The following MAST4 variants were observed in gnomAD, a reference collection of about 807,000 sequenced individuals.
MAST4 encodes microtubule associated serine/threonine kinase family member 4.
MAST4 carries 89 observed loss-of-function variants against 162.7 expected under a neutral mutation model. That is an observed-to-expected ratio of 0.55 (90% CI 0.46 to 0.65). The LOEUF (loss-of-function observed/expected upper bound fraction) is 0.65, where lower values mean the gene tolerates loss of function less well. MAST4 is among the 30% of genes least tolerant of loss of function. The pLI, the probability that MAST4 is intolerant of heterozygous loss-of-function variation, is 0.00. For missense variants in MAST4, 3,153 were observed against 3,374.0 expected, an observed-to-expected ratio of 0.93 and a Z score of 1.62; for synonymous variants, 1,479 against 1,361.1, an observed-to-expected ratio of 1.09 and a Z score of -1.91.
chr5:67,072,199 GA>G (rs1393977553), intron 5 of MAST4, among the ~76,000 whole-genome samples: 1 of 152,198 alleles, frequency 6.6e-6, no homozygotes, highest in African/African-American at 2.4e-5. Context: ...ATATAAATGT[GA>G]AAAGTTGGTA....
At chr5:66,808,368 C>G (rs1756309605) in intron 3 of MAST4, among the ~76,000 whole-genome samples, 1 of 152,162 alleles carries the variant, frequency 6.6e-6, no homozygotes, top group Non-Finnish European at 1.5e-5. Context: ...AAGCTCTGTT[C>G]TGGTTTTCTA....
chr5:67,155,844 G>A (rs753236553), intron 26 of MAST4, among the ~76,000 whole-genome samples: 1 of 152,064 alleles, frequency 6.6e-6, no homozygotes, highest in Non-Finnish European at 1.5e-5. Flanking sequence ...GGGCGATCAC[G>A]AGGTCAGGAG....
intron 4 of MAST4, among the ~76,000 whole-genome samples, chr5:67,042,647 T>G (rs1756908262): frequency 6.6e-6 from 1 of 152,158 alleles, no homozygotes. Context: ...AACACGCAAC[T>G]AATTTTAATA....
chr5:67,149,969 G>C (rs1337854836), intron 24 of MAST4, among the ~76,000 whole-genome samples: 2 of 151,966 alleles, frequency 1.3e-5, no homozygotes, highest in Non-Finnish European at 2.9e-5. Context: ...TTATAGAGCT[G>C]TTTACAACAT....
chr5:66,824,239 C>G (rs1757132669), intron 3 of MAST4, among the ~76,000 whole-genome samples: 1 of 152,170 alleles, frequency 6.6e-6, no homozygotes, highest in South Asian at 2.1e-4. Flanking sequence ...AGATCCCACC[C>G]CAGATTGTAC....
chr5:66,657,888 A>C (rs1298721248), intron 1 of MAST4, among the ~76,000 whole-genome samples: 1 of 152,244 alleles, frequency 6.6e-6, no homozygotes, highest in African/African-American at 2.4e-5. Flanking sequence ...GCAGAAAATA[A>C]ATGAGGAAAG....
chr5:66,635,775 G>T (rs961387119), intron 1 of MAST4, among the ~76,000 whole-genome samples: 16 of 151,042 alleles, frequency 1.1e-4, no homozygotes, highest in African/African-American at 3.4e-4. Context: ...CCAAGATTGG[G>T]GATTCTTAAC....
chr5:66,781,249 G>A (rs1358434629), intron 2 of MAST4, among the ~76,000 whole-genome samples: 1 of 152,222 alleles, frequency 6.6e-6, no homozygotes, highest in Non-Finnish European at 1.5e-5. Flanking sequence ...CTAGACACAG[G>A]GAAGGTAAAA....
chr5:66,934,288 A>G (rs567682905), intron 4 of MAST4, among the ~76,000 whole-genome samples: 108 of 147,224 alleles, frequency 7.3e-4, no homozygotes, highest in Non-Finnish European at 1.4e-3. Context: ...CAATTCTCCT[A>G]TAACTTTTCT....
intron 2 of MAST4, among the ~76,000 whole-genome samples, chr5:66,767,530 A>C (rs143045100): frequency 1.3e-5 from 2 of 152,094 alleles, no homozygotes; most frequent in Non-Finnish European, 2.9e-5. Flanking sequence ...GGATGGGACA[A>C]TGTAGTCACT....
chr5:66,996,823 C>T (rs923586453), intron 4 of MAST4, among the ~76,000 whole-genome samples: 1 of 152,192 alleles, frequency 6.6e-6, no homozygotes, highest in Non-Finnish European at 1.5e-5. Context: ...GGACCAACTC[C>T]TCATCTCAAG....
chr5:66,892,184 T>C (rs1029900602), intron 3 of MAST4, among the ~76,000 whole-genome samples: 9 of 152,236 alleles, frequency 5.9e-5, no homozygotes, highest in Non-Finnish European at 1.5e-5. Context: ...AGTTTTGTCA[T>C]TAGTTTAATT....
chr5:66,897,372 C>T (rs910131966), intron 3 of MAST4, among the ~76,000 whole-genome samples: 2 of 152,120 alleles, frequency 1.3e-5, no homozygotes, highest in Non-Finnish European at 2.9e-5. Context: ...GGGACTTTGG[C>T]GATAAAATGA....
chr5:66,861,693 T>C (rs1580689908), intron 3 of MAST4, among the ~76,000 whole-genome samples: 1 of 152,214 alleles, frequency 6.6e-6, no homozygotes, highest in Non-Finnish European at 1.5e-5. Context: ...GACCTAAACA[T>C]GAATGAGGAT....
intron 3 of MAST4, among the ~76,000 whole-genome samples, chr5:66,845,505 A>G (rs1236712436): frequency 6.6e-6 from 1 of 152,098 alleles, no homozygotes; most frequent in East Asian, 1.9e-4. Flanking sequence ...TTCTTAATCC[A>G]GTCTATCATT....
intron 9 of MAST4, 132 bp downstream of exon 9, chr5:67,102,743 C>A: frequency 1.4e-6 from 1 of 708,050 alleles, no homozygotes; most frequent in South Asian, 1.7e-5. Context: ...GCTCCATAGT[C>A]TTCTTAGAAA....
chr5:67,017,849 G>T (rs1475353449), intron 4 of MAST4, among the ~76,000 whole-genome samples: 1 of 151,866 alleles, frequency 6.6e-6, no homozygotes, highest in Non-Finnish European at 1.5e-5. Flanking sequence ...CGGCCACCTC[G>T]GCCTCCCAAA....
chr5:66,954,130 C>T (rs547114926), intron 4 of MAST4, among the ~76,000 whole-genome samples: 10 of 152,152 alleles, frequency 6.6e-5, no homozygotes, highest in African/African-American at 2.4e-4. Flanking sequence ...TGGTTTAAAC[C>T]AATGTCCCCC....
At chr5:67,007,705 C>A (rs748646578) in intron 4 of MAST4, among the ~76,000 whole-genome samples, 1 of 152,118 alleles carries the variant, frequency 6.6e-6, no homozygotes. Flanking sequence ...TACCTTAAAC[C>A]TTTATTATGG....
Sources: gnomAD v4.1 joint callset for allele counts (sites outside exome capture counted in the v4.1 genomes callset) on GRCh38, gnomAD v4.1.1 for gene constraint, MANE v1.5 for transcripts, NCBI Gene and HGNC (gene_info 2026-07-23, HGNC 2026-07-21) for gene names.